BMP2K: variants seen among roughly 807,000 people sequenced by gnomAD.
BMP2K encodes the protein BMP-2-inducible protein kinase.
BMP2K carries 74 observed loss-of-function variants against 116.0 expected under a neutral mutation model. The ratio of observed to expected loss-of-function variants is 0.64; its 90% confidence interval spans 0.53 to 0.77. BMP2K has a LOEUF of 0.77. Ranked by LOEUF, BMP2K falls within the 30% of genes least tolerant of loss-of-function variation. The probability of loss-of-function intolerance (pLI) is 0.00; values close to 1 mark genes in which losing one functional copy is unlikely to be tolerated. For missense variants in BMP2K, 1,365 were observed against 1,403.6 expected, an observed-to-expected ratio of 0.97 and a Z score of 0.44; for synonymous variants, 486 against 502.5, an observed-to-expected ratio of 0.97 and a Z score of 0.44.
intron 1 of BMP2K, among the ~76,000 whole-genome samples, chr4:78,817,509 G>A (rs1729409162): frequency 6.6e-6 from 1 of 152,184 alleles, no homozygotes; most frequent in South Asian, 2.1e-4. Context: ...CATAGCACAA[G>A]GAGGTCTGGA....
rs140413736 is a variant in BMP2K, at chr4:78,837,212, C to T, written c.403+3525C>T. On this transcript the variant is annotated intron_variant, in intron 3 of 15. Coordinates refer to ENST00000502613, the MANE Select transcript of BMP2K (RefSeq NM_198892.2). ...GGACTCTTTTCTTTTTTTTTTGAGA[C>T]GTAGTCTTGCTCTGTCACCTAAGCT... Among the ~76,000 whole-genome samples the T allele has an allele frequency of 1.8e-4, 27 of 149,936 alleles. No homozygotes were observed. In the East Asian group the frequency reaches 4.6e-3, roughly 26 times the overall value.
At chr4:78,904,552 A>G (rs1281502357) in intron 15 of BMP2K, among the ~76,000 whole-genome samples, 1 of 151,962 alleles carries the variant, frequency 6.6e-6, no homozygotes, top group African/African-American at 2.4e-5. Flanking sequence ...TAAATTACCC[A>G]GATCTGCATT....
intron 7 of BMP2K, among the ~76,000 whole-genome samples, chr4:78,853,693 C>G (rs912083358): frequency 2.0e-5 from 3 of 152,076 alleles, no homozygotes; most frequent in Non-Finnish European, 2.9e-5. Context: ...CTGCTCTGTC[C>G]CTGTTTGGTA....
intron 3 of BMP2K, among the ~76,000 whole-genome samples, chr4:78,834,932 T>C (rs1339521846): frequency 6.6e-6 from 1 of 152,242 alleles, no homozygotes; most frequent in Non-Finnish European, 1.5e-5. Flanking sequence ...TCTTCTCTAC[T>C]ATAAAGTACT....
At chr4:78,780,165 T>A (rs976754295) in intron 1 of BMP2K, among the ~76,000 whole-genome samples, 2 of 152,206 alleles carry the variant, frequency 1.3e-5, no homozygotes, top group Non-Finnish European at 2.9e-5. Flanking sequence ...AATAAGTTGG[T>A]TTTTGAGTAG....
Position 78,911,617 on chromosome 4 carries a change from G to A in BMP2K, c.3070G>A (p.Val1024Met), listed in dbSNP as rs1490464847. The change falls in exon 16 of 16, where the codon GTG becomes ATG. Residue 1024 changes from valine (V) to methionine (M), a missense_variant. Val to Met is a conservative substitution (Grantham distance 21). This residue lies in a region of BMP2K where 596 missense variants were observed against 623.2 expected (regional missense o/e 0.96). Transcript: ENST00000502613. ...AGAGAGGGCTCGCAGGCACAAAAAAGTGGGCCGCCGAGACTCTCAAAGTAG... is the reference window on the plus strand; with the variant it reads ...AGAGAGGGCTCGCAGGCACAAAAAAATGGGCCGCCGAGACTCTCAAAGTAG... ...TPERARRHKK[V>M]GRRDSQSSNE... 6.2e-7 allele frequency: 1 copy of A among 1,613,988 alleles called. No homozygotes were observed. Among genetic ancestry groups the A allele is most frequent in the Admixed American group, 1.7e-5 (1 of 60,024 alleles).
intron 3 of BMP2K, among the ~76,000 whole-genome samples, chr4:78,840,762 G>A (rs1222213783): frequency 6.6e-6 from 1 of 151,894 alleles, no homozygotes; most frequent in Non-Finnish European, 1.5e-5. Flanking sequence ...TTTTGTGATT[G>A]AGGATTTCTA....
At chr4:78,830,652 C>T (rs1303274036) in intron 2 of BMP2K, among the ~76,000 whole-genome samples, 1 of 152,212 alleles carries the variant, frequency 6.6e-6, no homozygotes, top group East Asian at 1.9e-4. Flanking sequence ...GAATAACTTG[C>T]TGCATTTCCT....
At chr4:78,893,470 T>C (rs1733546315) in intron 15 of BMP2K, among the ~76,000 whole-genome samples, 3 of 152,240 alleles carry the variant, frequency 2.0e-5, no homozygotes, top group African/African-American at 7.2e-5. Flanking sequence ...AAATCTAGAA[T>C]GGTGAATTCT....
At chr4:78,816,191 T>C (rs1308498579) in intron 1 of BMP2K, among the ~76,000 whole-genome samples, 1 of 152,164 alleles carries the variant, frequency 6.6e-6, no homozygotes. Flanking sequence ...TAAGGTTTTT[T>C]CAGGCTAAAG....
chr4:78,825,076 C>T (rs113892615), intron 1 of BMP2K, among the ~76,000 whole-genome samples: 48 of 152,210 alleles, frequency 3.2e-4, no homozygotes, highest in African/African-American at 1.1e-3. Flanking sequence ...TGGTGGCAGG[C>T]GCCTATAGTC....
intron 13 of BMP2K, among the ~76,000 whole-genome samples, chr4:78,873,234 A>G (rs929891576): frequency 1.3e-5 from 2 of 152,192 alleles, no homozygotes; most frequent in African/African-American, 2.4e-5. Context: ...ACATTTTTAC[A>G]TATATGTATT....
At chr4:78,812,985 A>C (rs1321790354) in intron 1 of BMP2K, among the ~76,000 whole-genome samples, 2 of 152,080 alleles carry the variant, frequency 1.3e-5, no homozygotes, top group East Asian at 1.9e-4. Flanking sequence ...TCAAGGCTGC[A>C]GTTAGCTATG....
chr4:78,878,187 T>C (rs1732722751), intron 13 of BMP2K, among the ~76,000 whole-genome samples: 1 of 152,120 alleles, frequency 6.6e-6, no homozygotes, highest in Non-Finnish European at 1.5e-5. Context: ...CATCTTTTGT[T>C]GGTAGCTATA....
At chr4:78,826,762 T>C (rs1262192875) in intron 2 of BMP2K, among the ~76,000 whole-genome samples, 1 of 152,198 alleles carries the variant, frequency 6.6e-6, no homozygotes, top group Non-Finnish European at 1.5e-5. Context: ...TTAAAGCTAC[T>C]CTGCTTTCTT....
intron 14 of BMP2K, 40 bp downstream of exon 14, chr4:78,878,931 A>C (rs371736954): frequency 6.3e-7 from 1 of 1,588,440 alleles, no homozygotes; most frequent in Admixed American, 1.9e-5. Context: ...TCACAGTAAA[A>C]TAACAGCTCT....
intron 1 of BMP2K, among the ~76,000 whole-genome samples, chr4:78,817,746 C>A (rs1729421836): frequency 6.6e-6 from 1 of 152,088 alleles, no homozygotes; most frequent in African/African-American, 2.4e-5. Flanking sequence ...AAGGGAGGGG[C>A]TGAAAGTTCC....
chr4:78,827,576 C>T (rs1729936725), intron 2 of BMP2K, among the ~76,000 whole-genome samples: 1 of 152,156 alleles, frequency 6.6e-6, no homozygotes, highest in African/African-American at 2.4e-5. Context: ...CACCTGCTTG[C>T]TGATTCCAGT....
intron 15 of BMP2K, 114 bp from the exon 16 acceptor site, chr4:78,910,496 A>G: frequency 1.1e-6 from 1 of 878,616 alleles, no homozygotes; most frequent in East Asian, 2.8e-5. Flanking sequence ...TTTTTCCTCT[A>G]AGGGAACTCG....
Sources: allele counts gnomAD v4.1 joint callset (sites outside exome capture counted in the v4.1 genomes callset), GRCh38; gene constraint gnomAD v4.1.1; regional missense constraint gnomAD v4.1.1; transcripts MANE v1.5; gene names NCBI Gene and HGNC (gene_info 2026-07-23, HGNC 2026-07-21).